ZNF705B: variants seen among roughly 807,000 people sequenced by gnomAD.
The protein encoded by ZNF705B is Putative zinc finger protein 705D-like protein LOC100132396.
In ZNF705B, 1 loss-of-function variant was observed where a neutral mutation model predicts 10.5. The ratio of observed to expected loss-of-function variants is 0.10; its 90% CI spans 0.03 to 0.45. The LOEUF (loss-of-function observed/expected upper bound fraction) is 0.45, where lower values mean the gene tolerates loss of function less well. Among genes scored for constraint, ZNF705B ranks in the 20% least tolerant of loss-of-function variants. The probability of loss-of-function intolerance (pLI) is 0.97; values close to 1 mark genes in which losing one functional copy is unlikely to be tolerated. For synonymous variants in ZNF705B, 4 were observed against 25.4 expected (o/e 0.16, Z 2.53); for missense variants, 14 against 84.0 (o/e 0.17, Z 3.26).
intron 2 of ZNF705B, among the ~76,000 whole-genome samples, chr8:7,940,606 A>ACCTGGGGCTGCT (rs1399821816): frequency 2.2e-5 from 3 of 133,712 alleles, no homozygotes; most frequent in Non-Finnish European, 5.0e-5. Context: ...CCCCAGCACC[A>ACCTGGGGCTGCT]GGGCCCCTGG....
intron 1 of ZNF705B, among the ~76,000 whole-genome samples, chr8:7,927,729 A>C (rs1218462600): frequency 6.8e-6 from 1 of 146,642 alleles, no homozygotes; most frequent in African/African-American, 2.4e-5. Flanking sequence ...AAAAGTTTTG[A>C]AACCAGGGTT....
intron 1 of ZNF705B, among the ~76,000 whole-genome samples, chr8:7,927,930 A>T (rs1819743117): frequency 7.2e-6 from 1 of 138,928 alleles, no homozygotes; most frequent in Non-Finnish European, 1.6e-5. Context: ...GTCGAAAGGT[A>T]TGCATCCCTG....
intron 2 of ZNF705B, among the ~76,000 whole-genome samples, chr8:7,930,759 C>A (rs1420510129): frequency 8.8e-6 from 1 of 114,102 alleles, no homozygotes; most frequent in South Asian, 3.1e-4. Context: ...GCAATGGCAA[C>A]GACAACACTA....
At chr8:7,936,671 G>C (rs1312410762) in intron 2 of ZNF705B, among the ~76,000 whole-genome samples, 1 of 118,342 alleles carries the variant, frequency 8.5e-6, no homozygotes, top group African/African-American at 2.6e-5. Context: ...GCCGAGCAAT[G>C]AGTGCACATG....
chr8:7,933,929 CTTTTTTTTTTTTTTTTT>C (rs1162997944), intron 2 of ZNF705B, among the ~76,000 whole-genome samples: 1 of 29,366 alleles, frequency 3.4e-5, no homozygotes, highest in African/African-American at 7.8e-5. Context: ...GTAATATAAA[CTTTTTTTTTTTTTTTTT>C]TTTTTTTTTT....
intron 1 of ZNF705B, among the ~76,000 whole-genome samples, chr8:7,926,920 T>C (rs1819706091): frequency 9.0e-6 from 1 of 111,416 alleles, no homozygotes; most frequent in African/African-American, 2.6e-5. Context: ...AAAGTTTTGA[T>C]TGTGGATAGT....
chr8:7,931,007 C>A (rs1230848611), intron 2 of ZNF705B, among the ~76,000 whole-genome samples: 1 of 120,568 alleles, frequency 8.3e-6, no homozygotes, highest in African/African-American at 2.5e-5. Flanking sequence ...AGGCATGCGC[C>A]TCCATGCCCA....
Position 7,929,390 on chromosome 8 carries a change from A to T in ZNF705B, c.-221-897A>T, listed in dbSNP as rs1296868606. Among the ~76,000 whole-genome samples, 2 of 121,672 alleles carry T rather than the reference A, an allele frequency of 1.6e-5. 1 individual carries two copies. The highest frequency in any genetic ancestry group is 4.7e-4 in the East Asian group (2 of 4,268). The allele number at this position is 121,672 out of a possible 152,430, so 79.8% of individuals were successfully genotyped here. ...CTTTATATTTCCAAAAGGAAAGTTG[A>T]TAGATGCAGAGACATGAAATGAATG... On this transcript the variant is annotated intron_variant, in intron 1 of 6. Coordinates refer to ENST00000400120, the MANE Select transcript of ZNF705B (RefSeq NM_001193630.1).
At position 7,930,296 on chromosome 8, in the gene ZNF705B, C is replaced by A. The variant is rs1819806970; in HGVS notation, c.-212C>A. Reference sequence around the variant, plus strand: ...TCAAACTCATTCCCAGATCACTTGTCCTCCTCAATTGATGTACACTGAAGA... The same window carrying A: ...TCAAACTCATTCCCAGATCACTTGTACTCCTCAATTGATGTACACTGAAGA... On this transcript the variant is annotated 5_prime_UTR_variant, in exon 2 of 7. Coordinates refer to ENST00000400120, the MANE Select transcript of ZNF705B (RefSeq NM_001193630.1). The A allele has an allele frequency of 9.8e-6, 1 of 102,132 alleles. No individual in the cohort carries two copies. Among genetic ancestry groups the A allele is most frequent in the Non-Finnish European group, 2.3e-5 (1 of 42,650 alleles). 6.3% of individuals were successfully genotyped at this position (102,132 alleles called of 1,614,324 possible).
At chr8:7,940,464 C>T (rs548943924) in intron 2 of ZNF705B, among the ~76,000 whole-genome samples, 141 of 120,612 alleles carry the variant, frequency 1.2e-3, no homozygotes, top group Non-Finnish European at 2.0e-3. Context: ...AATACAAAAT[C>T]TACCCTTTTA....
intron 2 of ZNF705B, among the ~76,000 whole-genome samples, chr8:7,931,588 G>A (rs556666475): frequency 8.2e-6 from 1 of 122,238 alleles, no homozygotes; most frequent in Admixed American, 9.1e-5. Context: ...ACCTTGGGTA[G>A]TGGTAGTGAC....
At chr8:7,929,113 T>G (rs1438953963) in intron 1 of ZNF705B, among the ~76,000 whole-genome samples, 1 of 121,700 alleles carries the variant, frequency 8.2e-6, no homozygotes, top group African/African-American at 2.5e-5. Context: ...AGAGAGAATT[T>G]AACCTCTCCT....
chr8:7,940,429 T>C lies in ZNF705B; in HGVS notation c.-71-6922T>C, dbSNP rs1162468138. On this transcript the variant is annotated intron_variant, in intron 2 of 6. Transcript: ENST00000400120. ...TCCCCTCCCCTTTATTATTATTTTTTTTTTTGGTAAGAAATATTGGTAAGA... is the reference window on the plus strand; with the variant it reads ...TCCCCTCCCCTTTATTATTATTTTTCTTTTTGGTAAGAAATATTGGTAAGA... Among the ~76,000 whole-genome samples, 13 of 126,500 alleles carry C rather than the reference T, an allele frequency of 1.0e-4. 1 individual carries two copies. Among genetic ancestry groups the C allele is most frequent in the African/African-American group, 3.5e-4 (13 of 36,880 alleles). The allele number at this position is 126,500 out of a possible 152,430, so 83.0% of individuals were successfully genotyped here. A position where few individuals can be genotyped will look rare whatever the true frequency, so the allele number is the denominator to read the frequency against.
intron 2 of ZNF705B, among the ~76,000 whole-genome samples, chr8:7,933,929 C>CTTTTTTTTTTTTTTTTTTTT (rs1162997944): frequency 1.0e-4 from 3 of 29,364 alleles, no homozygotes; most frequent in African/African-American, 2.3e-4. Context: ...GTAATATAAA[C>CTTTTTTTTTTTTTTTTTTTT]TTTTTTTTTT....
At chr8:7,926,871 T>C (rs1432909675) in intron 1 of ZNF705B, among the ~76,000 whole-genome samples, 1 of 113,504 alleles carries the variant, frequency 8.8e-6, no homozygotes, top group East Asian at 2.5e-4. Flanking sequence ...CAAAAAATAT[T>C]ATCTTTCTTT....
At chr8:7,940,660 A>G (rs1413966037) in intron 2 of ZNF705B, among the ~76,000 whole-genome samples, 1 of 148,070 alleles carries the variant, frequency 6.8e-6, no homozygotes, top group African/African-American at 2.5e-5. Context: ...TGTCGATTTT[A>G]GATTTCAAAC....
At chr8:7,931,485 G>T (rs1418120912) in intron 2 of ZNF705B, among the ~76,000 whole-genome samples, 2 of 122,126 alleles carry the variant, frequency 1.6e-5, no homozygotes, top group Non-Finnish European at 3.9e-5. Context: ...GCACCACCAG[G>T]CTGGGTGGGC....
At chr8:7,927,270 C>T (rs1258690440) in intron 1 of ZNF705B, among the ~76,000 whole-genome samples, 1 of 119,232 alleles carries the variant, frequency 8.4e-6, no homozygotes, top group African/African-American at 2.5e-5. Flanking sequence ...CAAAGTTGTC[C>T]TTATTAAGTT....
chr8:7,932,467 G>A lies in ZNF705B; in HGVS notation c.-72+2031G>A, dbSNP rs1195595957. ...TGAAGGCCACCTCCTAGCAATGAGA[G>A]GATAATATTCTATGTGATGGCTTTA... On this transcript the variant is annotated intron_variant, in intron 2 of 6. Coordinates refer to ENST00000400120, the MANE Select transcript of ZNF705B (RefSeq NM_001193630.1). Among the ~76,000 whole-genome samples the A allele has an allele frequency of 1.6e-5, 2 of 121,408 alleles. 1 individual carries two copies. The allele number at this position is 121,408 out of a possible 152,430, so 79.6% of individuals were successfully genotyped here.
Sources: gnomAD v4.1 joint callset for allele counts (sites outside exome capture counted in the v4.1 genomes callset) on GRCh38, gnomAD v4.1.1 for gene constraint, MANE v1.5 for transcripts, NCBI Gene and HGNC (gene_info 2026-07-23, HGNC 2026-07-21) for gene names.